The following OCA2 variants were observed in gnomAD, a reference collection of about 807,000 sequenced individuals.
The protein encoded by OCA2 is OCA2 melanosomal transmembrane protein.
Under a neutral mutation model 100.2 loss-of-function variants are expected in OCA2, and 77 were observed. The ratio of observed to expected loss-of-function variants is 0.77; its 90% CI spans 0.64 to 0.93. OCA2 has a LOEUF of 0.93. Ranked by LOEUF, OCA2 falls within the 40% of genes least tolerant of loss-of-function variation. The probability of loss-of-function intolerance (pLI) is 0.00; values close to 1 mark genes in which losing one functional copy is unlikely to be tolerated. For missense variants in OCA2, 1,062 were observed against 1,089.1 expected (o/e 0.98, Z 0.35); for synonymous variants, 432 against 439.2 (o/e 0.98, Z 0.21).
intron 1 of OCA2, among the ~76,000 whole-genome samples, chr15:28,086,127 A>G (rs2044772194): frequency 3.9e-5 from 6 of 152,222 alleles, no homozygotes; most frequent in Admixed American, 3.3e-4. Flanking sequence ...TCCTCCCCCA[A>G]TGGCTTAAGT....
chr15:27,983,533 A>G, intron 13 of OCA2, 50 bp from the exon 14 acceptor site: 1 of 1,602,734 alleles, frequency 6.2e-7, no homozygotes, highest in Non-Finnish European at 8.5e-7. Flanking sequence ...CACATCGTGA[A>G]AGGCCCACAT....
intron 2 of OCA2, among the ~76,000 whole-genome samples, chr15:28,066,326 G>T (rs2044022416): frequency 6.6e-6 from 1 of 152,076 alleles, no homozygotes; most frequent in Non-Finnish European, 1.5e-5. Context: ...AAAATTCTAA[G>T]CCCCTCACTG....
At chr15:28,050,007 G>C (rs994121491) in intron 2 of OCA2, among the ~76,000 whole-genome samples, 17 of 152,158 alleles carry the variant, frequency 1.1e-4, no homozygotes, top group African/African-American at 3.4e-4. Flanking sequence ...GGGCTGGGGT[G>C]GTAGTTCACA....
chr15:28,019,292 G>A (rs1321654929), intron 6 of OCA2, among the ~76,000 whole-genome samples: 3 of 152,060 alleles, frequency 2.0e-5, no homozygotes, highest in South Asian at 2.1e-4. Context: ...GAAAGAAGAG[G>A]ACGCAGCAAA....
chr15:27,873,566 T>TTG (rs2036670304), intron 19 of OCA2, among the ~76,000 whole-genome samples: 1 of 152,210 alleles, frequency 6.6e-6, no homozygotes, highest in Non-Finnish European at 1.5e-5. Flanking sequence ...ATAGAGATGG[T>TTG]TGTGTGTGTA....
At position 27,957,578 on chromosome 15, in the gene OCA2, C is replaced by T. The variant is rs755193414; in HGVS notation, c.1784+10G>A. The T allele has an allele frequency of 1.1e-5, 18 of 1,611,936 alleles. No homozygotes were observed. Among genetic ancestry groups the T allele is most frequent in the South Asian group, 1.1e-4 (10 of 91,054 alleles). ...ACCAAGCACAGTCTGAGCAGGACCC[C>T]GCCCGGTACCTGTGGAAGGTGTGCA... On this transcript the variant is annotated intron_variant, in intron 16 of 23. Coordinates refer to ENST00000354638, the MANE Select transcript of OCA2 (RefSeq NM_000275.3). The surrounding 1 kb of genome is among the most constrained non-coding windows in gnomAD (Gnocchi z 4.3).
chr15:27,872,193 G>A (rs561093380), intron 19 of OCA2, among the ~76,000 whole-genome samples: 7 of 152,216 alleles, frequency 4.6e-5, no homozygotes, highest in Non-Finnish European at 5.9e-5. Context: ...CCGAATGGAA[G>A]ACTCTCTTTA....
At chr15:28,062,585 ACTT>A (rs1462830115) in intron 2 of OCA2, among the ~76,000 whole-genome samples, 1 of 152,120 alleles carries the variant, frequency 6.6e-6, no homozygotes, top group East Asian at 1.9e-4. Context: ...CAATTTATGT[ACTT>A]TTTTTGTTTG....
At chr15:28,054,522 C>T (rs1372170228) in intron 2 of OCA2, among the ~76,000 whole-genome samples, 1 of 152,158 alleles carries the variant, frequency 6.6e-6, no homozygotes, top group Non-Finnish European at 1.5e-5. Context: ...TCTGCCCTGA[C>T]ACAGGGCCCA....
intron 1 of OCA2, among the ~76,000 whole-genome samples, chr15:28,097,185 C>T (rs908964150): frequency 3.3e-5 from 5 of 152,236 alleles, no homozygotes; most frequent in East Asian, 1.9e-4. Flanking sequence ...AGCACAGGCG[C>T]GCCAGCCACA....
chr15:27,947,047 T>C (rs2039863644), intron 18 of OCA2, among the ~76,000 whole-genome samples: 1 of 152,200 alleles, frequency 6.6e-6, no homozygotes, highest in Non-Finnish European at 1.5e-5. Context: ...TCATACACTT[T>C]TTCTCCAATC....
At chr15:27,833,812 C>T (rs1238895742) in intron 23 of OCA2, among the ~76,000 whole-genome samples, 1 of 152,152 alleles carries the variant, frequency 6.6e-6, no homozygotes, top group East Asian at 1.9e-4. Flanking sequence ...AATGGCTTCT[C>T]CGGAGATCTC....
the OCA2 span, among the ~76,000 whole-genome samples, chr15:27,733,132 A>C: frequency 6.6e-6 from 1 of 152,370 alleles, no homozygotes; most frequent in Non-Finnish European, 1.5e-5. Context: ...TGGTTGAAAT[A>C]TCATCAAAAT....
chr15:27,824,602 CTATATATA>C lies in OCA2; in HGVS notation c.2432+20349_2432+20356del, dbSNP rs142689690. ...TTTCTCTCTCTCTCTCTCTCTCTCT[CTATATATA>C]TATATATATATAATATAATATATAT... On this transcript the variant is annotated intron_variant, in intron 23 of 23. Transcript: ENST00000354638. 7.8e-3 allele frequency among the ~76,000 whole-genome samples: 371 copies of C among 47,600 alleles called. 34 individuals are homozygous for C. Among genetic ancestry groups the C allele is most frequent in the African/African-American group, 0.057 (360 of 6,326 alleles). The allele number at this position is 47,600 out of a possible 152,430, so 31.2% of individuals were successfully genotyped here.
intron 6 of OCA2, among the ~76,000 whole-genome samples, chr15:28,020,857 G>A (rs1368673638): frequency 6.6e-6 from 1 of 152,158 alleles, no homozygotes; most frequent in Non-Finnish European, 1.5e-5. Flanking sequence ...TGTGCCCCCG[G>A]CTCACCAGAA....
At chr15:27,951,731 C>A in intron 18 of OCA2, 53 bp downstream of exon 18, 1 of 1,287,850 alleles carries the variant, frequency 7.8e-7, no homozygotes, top group Non-Finnish European at 1.1e-6. Flanking sequence ...GCTCTGAAAC[C>A]TTCCCATCCA....
intron 23 of OCA2, among the ~76,000 whole-genome samples, chr15:27,816,332 G>A (rs906932770): frequency 2.2e-4 from 34 of 152,148 alleles, no homozygotes; most frequent in Admixed American, 2.0e-4. Flanking sequence ...GTAAGGCTAC[G>A]TCTTTCTCCA....
At chr15:28,053,159 A>G (rs1362988562) in intron 2 of OCA2, among the ~76,000 whole-genome samples, 3 of 152,202 alleles carry the variant, frequency 2.0e-5, no homozygotes, top group African/African-American at 7.2e-5. Context: ...GAAAATCACC[A>G]AAGAGTTGGT....
At chr15:27,959,351 T>C (rs772925726) in intron 15 of OCA2, among the ~76,000 whole-genome samples, 1 of 150,188 alleles carries the variant, frequency 6.7e-6, no homozygotes, top group Non-Finnish European at 1.5e-5. Flanking sequence ...GAGGCTATGA[T>C]AACATAAAAA....
Sources: allele counts gnomAD v4.1 joint callset (sites outside exome capture counted in the v4.1 genomes callset), GRCh38; gene constraint gnomAD v4.1.1; non-coding constraint Gnocchi (gnomAD v3.1); transcripts MANE v1.5; gene names NCBI Gene and HGNC (gene_info 2026-07-23, HGNC 2026-07-21).